C16orf87: variants seen among roughly 807,000 people sequenced by gnomAD.
C16orf87 encodes UPF0547 protein C16orf87.
Under a neutral mutation model 21.0 loss-of-function variants are expected in C16orf87, and 13 were observed. That is an observed-to-expected ratio of 0.62 (90% CI 0.40 to 0.98). C16orf87 has a LOEUF of 0.98. Among genes scored for constraint, C16orf87 ranks in the 50% least tolerant of loss-of-function variants. The pLI, the probability that C16orf87 is intolerant of heterozygous loss-of-function variation, is 0.00. For synonymous variants in C16orf87, 49 were observed against 60.2 expected, an observed-to-expected ratio of 0.81 and a Z score of 0.86; for missense variants, 113 against 180.4, an observed-to-expected ratio of 0.63 and a Z score of 2.14.
At position 46,804,907 on chromosome 16, in the gene C16orf87, A is replaced by G. The variant is rs535565508; in HGVS notation, c.347-1837T>C. On this transcript the variant is annotated intron_variant, in intron 3 of 3. Transcript: ENST00000285697. ...TTATTTTGCTCAACATGTTTTTGAAATTCATTGATGCTAGTCATATATCAG... is the reference window on the plus strand; with the variant it reads ...TTATTTTGCTCAACATGTTTTTGAAGTTCATTGATGCTAGTCATATATCAG... 5.3e-5 allele frequency among the ~76,000 whole-genome samples: 8 copies of G among 152,334 alleles called. No individual in the cohort carries two copies. In the South Asian group the frequency reaches 1.0e-3, roughly 20 times the overall value.
chr16:46,803,643 T>A (rs1056945167), intron 3 of C16orf87, among the ~76,000 whole-genome samples: 3 of 152,194 alleles, frequency 2.0e-5, no homozygotes, highest in Non-Finnish European at 4.4e-5. Context: ...CTGATTCTAT[T>A]TTTGTTTATT....
chr16:46,820,007 C>T (rs955767463), intron 2 of C16orf87, among the ~76,000 whole-genome samples: 4 of 152,158 alleles, frequency 2.6e-5, no homozygotes, highest in African/African-American at 9.6e-5. Context: ...TTCATTAATT[C>T]CTGTAATAGA....
At position 46,802,246 on chromosome 16, in the gene C16orf87, TAATA is replaced by T. The variant is rs978106381; in HGVS notation, c.*702_*705del. On this transcript the variant is annotated 3_prime_UTR_variant, in exon 4 of 4. Transcript: ENST00000285697. Reference sequence around the variant, plus strand: ...GAGCAGTTTGTTTTTTTTTTTTAGCTAATAAATAAATTACATTCAAGAAAACAAG... The same window carrying T: ...GAGCAGTTTGTTTTTTTTTTTTAGCTAATAAATTACATTCAAGAAAACAAG... 4 of 152,280 alleles carry T rather than the reference TAATA, an allele frequency of 2.6e-5. No individual in the cohort carries two copies. The highest frequency in any genetic ancestry group is 2.0e-4 in the Admixed American group (3 of 15,250). 9.4% of individuals were successfully genotyped at this position (152,280 alleles called of 1,614,324 possible).
chr16:46,817,939 A>AAAAC (rs1226959901), intron 2 of C16orf87, among the ~76,000 whole-genome samples: 1 of 147,634 alleles, frequency 6.8e-6, no homozygotes, highest in African/African-American at 2.5e-5. Flanking sequence ...AAAAAAAAAA[A>AAAAC]CCACAAAAAT....
At chr16:46,810,255 A>C (rs1375744512) in intron 2 of C16orf87, among the ~76,000 whole-genome samples, 1 of 152,240 alleles carries the variant, frequency 6.6e-6, no homozygotes, top group Non-Finnish European at 1.5e-5. Context: ...AAAATCAAAC[A>C]GAAAGCATCC....
intron 2 of C16orf87, among the ~76,000 whole-genome samples, chr16:46,815,011 C>T (rs192425445): frequency 8.0e-4 from 122 of 152,062 alleles, no homozygotes; most frequent in Admixed American, 2.8e-3. Context: ...AGTATGGTAC[C>T]GACATAAAGA....
Position 46,802,802 on chromosome 16 carries a change from C to A in C16orf87, c.*150G>T. On this transcript the variant is annotated 3_prime_UTR_variant, in exon 4 of 4. Transcript: ENST00000285697. Reference sequence around the variant, plus strand: ...GTCCAAGCCTACACAGCTTTGCTCCCGAAGTGTGGCACAGGCTAAACGACA... The same window carrying A: ...GTCCAAGCCTACACAGCTTTGCTCCAGAAGTGTGGCACAGGCTAAACGACA... 1 of 582,510 alleles carries A rather than the reference C, an allele frequency of 1.7e-6. No homozygotes were observed. The allele number at this position is 582,510 out of a possible 1,614,324, so 36.1% of individuals were successfully genotyped here.
intron 3 of C16orf87, chr16:46,808,261 C>G: frequency 2.8e-6 from 1 of 360,530 alleles, no homozygotes; most frequent in Non-Finnish European, 5.4e-6. Context: ...TCCTAGAATA[C>G]AGTCAAAACC....
At chr16:46,809,539 C>G in intron 3 of C16orf87, 64 bp downstream of exon 3, 1 of 1,101,536 alleles carries the variant, frequency 9.1e-7, no homozygotes, top group Non-Finnish European at 1.3e-6. Flanking sequence ...TTCTTCACTA[C>G]TACCTAATTA....
chr16:46,830,282 G>GAA (rs1959794970), intron 1 of C16orf87, among the ~76,000 whole-genome samples: 1 of 132,654 alleles, frequency 7.5e-6, no homozygotes, highest in African/African-American at 2.8e-5. Flanking sequence ...GAGAGAGAGA[G>GAA]AGAGAGAGAG....
intron 2 of C16orf87, among the ~76,000 whole-genome samples, chr16:46,818,468 G>A (rs1259840882): frequency 6.6e-6 from 1 of 151,960 alleles, no homozygotes; most frequent in African/African-American, 2.4e-5. Flanking sequence ...AAAGGAGGAG[G>A]TTATTTATTT....
At chr16:46,809,019 C>CA (rs776311594) in intron 3 of C16orf87, among the ~76,000 whole-genome samples, 2,064 of 51,486 alleles carry the variant, frequency 0.04, 28 homozygotes, top group Non-Finnish European at 0.06. Flanking sequence ...CTTTAAAAGA[C>CA]AAAAAAAAAA....
rs1417020111 is a variant in C16orf87 at position 46,817,931 on chromosome 16, A to C, written c.163+6455T>G. 3.3e-5 allele frequency among the ~76,000 whole-genome samples: 5 copies of C among 150,912 alleles called. No homozygotes were observed. In the East Asian group the frequency reaches 9.7e-4, roughly 29 times the overall value. On this transcript the variant is annotated intron_variant, in intron 2 of 3. Coordinates refer to ENST00000285697, the MANE Select transcript of C16orf87 (RefSeq NM_001001436.4). ...CATCAAAAAGCAAAAAAAAAAAAAA[A>C]AAAAAAAACCACAAAAATCAACTAT...
chr16:46,809,463 G>A (rs1355771516), intron 3 of C16orf87, 140 bp downstream of exon 3: 2 of 608,582 alleles, frequency 3.3e-6, no homozygotes, highest in African/African-American at 1.9e-5. Flanking sequence ...ATCTACCACA[G>A]AGGAAATGCT....
chr16:46,801,204 A>C lies in C16orf87; in HGVS notation c.*1748T>G, dbSNP rs950382287. On this transcript the variant is annotated 3_prime_UTR_variant, in exon 4 of 4. Transcript: ENST00000285697. ...ATCACATTACATTATTGGGGAAACT[A>C]CTAGTTAAGACTCTAAAACGCACAC... The C allele has an allele frequency of 6.6e-6, 1 of 152,224 alleles. No individual in the cohort carries two copies. Among genetic ancestry groups the C allele is most frequent in the African/African-American group, 2.4e-5 (1 of 41,464 alleles). 9.4% of individuals were successfully genotyped at this position (152,224 alleles called of 1,614,324 possible). A position where few individuals can be genotyped will look rare whatever the true frequency, so the allele number is the denominator to read the frequency against.
intron 2 of C16orf87, among the ~76,000 whole-genome samples, chr16:46,811,707 G>A (rs145515285): frequency 3.2e-4 from 49 of 152,192 alleles, no homozygotes; most frequent in African/African-American, 1.1e-3. Flanking sequence ...ACATACAAAT[G>A]GACAGGTGAT....
intron 1 of C16orf87, 134 bp downstream of exon 1, chr16:46,830,950 G>T: frequency 1.9e-6 from 1 of 524,034 alleles, no homozygotes. Context: ...ACCGGCCCCG[G>T]ATCCCCGCCG....
chr16:46,798,066 T>A lies in C16orf87; in HGVS notation c.*4886A>T, dbSNP rs1037810801. The A allele has an allele frequency of 2.1e-4, 32 of 152,004 alleles. No individual in the cohort carries two copies. The highest frequency in any genetic ancestry group is 7.5e-4 in the African/African-American group (31 of 41,520). 9.4% of individuals were successfully genotyped at this position (152,004 alleles called of 1,614,324 possible). ...GTGTTGAATTAAATAAATAAATAAA[T>A]AAATAAGTAAATTTTAAAATCAATG... On this transcript the variant is annotated 3_prime_UTR_variant, in exon 4 of 4. Transcript: ENST00000285697.
At chr16:46,830,266 G>GAC (rs1232891865) in intron 1 of C16orf87, among the ~76,000 whole-genome samples, 1 of 128,862 alleles carries the variant, frequency 7.8e-6, no homozygotes, top group African/African-American at 3.0e-5. Context: ...GAGAGAGACA[G>GAC]ACAGAGAGAG....
Sources: gnomAD v4.1 joint callset for allele counts (sites outside exome capture counted in the v4.1 genomes callset) on GRCh38, gnomAD v4.1.1 for gene constraint, MANE v1.5 for transcripts, NCBI Gene and HGNC (gene_info 2026-07-23, HGNC 2026-07-21) for gene names.